The following EXOC2 variants were observed in gnomAD, a reference collection of about 807,000 sequenced individuals.
EXOC2 encodes the protein exocyst complex component 2.
Under a neutral mutation model 131.8 loss-of-function variants are expected in EXOC2, and 70 were observed. That is an observed-to-expected ratio of 0.53 (90% CI 0.44 to 0.65). The LOEUF (loss-of-function observed/expected upper bound fraction) is 0.65, where lower values mean the gene tolerates loss of function less well. Ranked by LOEUF, EXOC2 falls within the 30% of genes least tolerant of loss-of-function variation. The pLI is 0.00. For missense variants in EXOC2, 923 were observed against 1,108.6 expected (o/e 0.83, Z 2.38); for synonymous variants, 411 against 398.4 (o/e 1.03, Z -0.38).
chr6:540,241 C>T (rs570706139), intron 22 of EXOC2, among the ~76,000 whole-genome samples: 2 of 152,300 alleles, frequency 1.3e-5, no homozygotes, highest in Non-Finnish European at 2.9e-5. Context: ...AGGCAGGAGC[C>T]ACCACACCCA....
At chr6:595,871 T>G (rs1277840428) in intron 10 of EXOC2, among the ~76,000 whole-genome samples, 1 of 152,126 alleles carries the variant, frequency 6.6e-6, no homozygotes, top group Non-Finnish European at 1.5e-5. Flanking sequence ...AGCAGTTGGA[T>G]GACAAATGTG....
At chr6:665,367 C>T (rs1280886584) in intron 1 of EXOC2, among the ~76,000 whole-genome samples, 1 of 152,174 alleles carries the variant, frequency 6.6e-6, no homozygotes, top group Non-Finnish European at 1.5e-5. Flanking sequence ...CTATGGAAAA[C>T]AGTGTGGAGA....
In EXOC2 at chr6:598,048, G is replaced by C. The variant is rs779126321; in HGVS notation, c.1046C>G (p.Thr349Ser). 1 of 1,613,758 alleles carries C rather than the reference G, an allele frequency of 6.2e-7. No homozygotes were observed. Residue 349 changes from threonine (T) to serine (S), a missense_variant, in exon 10 of 28, where the codon ACT becomes AGT. Physicochemically the swap from Thr to Ser is moderately conservative, Grantham distance 58 (BLOSUM62 1). Transcript: ENST00000230449. ...TATGTAACGTTTTTGGTCATGTAAA[G>C]TTGATGGTGTCTCAAGCAATTTATC... Reference protein sequence around the residue: ...LLDKLLETPSTLHDQKRYIRY... With the variant: ...LLDKLLETPSSLHDQKRYIRY...
At chr6:604,025 G>A (rs982210709) in intron 7 of EXOC2, among the ~76,000 whole-genome samples, 2 of 152,162 alleles carry the variant, frequency 1.3e-5, no homozygotes, top group African/African-American at 2.4e-5. Flanking sequence ...TGGTTATGTC[G>A]CTGTAAGACA....
intron 7 of EXOC2, among the ~76,000 whole-genome samples, chr6:604,239 T>C (rs1760270457): frequency 6.6e-6 from 1 of 152,108 alleles, no homozygotes; most frequent in African/African-American, 2.4e-5. Flanking sequence ...CCTTCATCCA[T>C]CTGAGGCCAG....
chr6:498,524 G>A (rs1341782416), intron 24 of EXOC2, among the ~76,000 whole-genome samples: 1 of 152,116 alleles, frequency 6.6e-6, no homozygotes, highest in African/African-American at 2.4e-5. Flanking sequence ...GTGACTTCCT[G>A]CCTGAGTTAA....
At chr6:499,509 G>T in intron 24 of EXOC2, 136 bp downstream of exon 24, 3 of 638,446 alleles carry the variant, frequency 4.7e-6, no homozygotes, top group Non-Finnish European at 8.1e-6. Context: ...AGCAAGAGCT[G>T]AACTGTATCT....
At chr6:668,939 T>C (rs1222200080) in intron 1 of EXOC2, 1 of 152,246 alleles carries the variant, frequency 6.6e-6, no homozygotes, top group Non-Finnish European at 1.5e-5. Context: ...GTTGAATCTG[T>C]CCATGCAGAA....
chr6:592,333 C>A (rs977594005), intron 11 of EXOC2, 136 bp downstream of exon 11: 6 of 741,656 alleles, frequency 8.1e-6, no homozygotes, highest in East Asian at 5.3e-5. Flanking sequence ...GCCAAAAAAA[C>A]CACAAAACAA....
intron 1 of EXOC2, among the ~76,000 whole-genome samples, chr6:647,866 T>C (rs1201241002): frequency 6.6e-6 from 1 of 151,934 alleles, no homozygotes; most frequent in Non-Finnish European, 1.5e-5. Flanking sequence ...AAAGGTAATG[T>C]CTGGGCCACC....
intron 11 of EXOC2, among the ~76,000 whole-genome samples, chr6:589,217 C>T (rs1759387571): frequency 1.3e-5 from 2 of 151,846 alleles, no homozygotes; most frequent in Admixed American, 6.6e-5. Flanking sequence ...GTCGAGCACC[C>T]GCACGGTGTC....
chr6:629,861 A>G lies in EXOC2; in HGVS notation c.396T>C (p.Ala132=), dbSNP rs1159956152. The change falls in exon 4 of 28, where the codon GCT becomes GCC. Residue 132 remains alanine, a synonymous_variant. Coordinates refer to ENST00000230449, the MANE Select transcript of EXOC2 (RefSeq NM_018303.6). ...TTTCAATCTCAATGCCAAGCGGGTT[A>G]GCAGGACGTAAGGACAAGGGCGGAA... ...KGIPPLSLRP[A]NPLGIEIEKS... 1 of 1,614,084 alleles carries G rather than the reference A, an allele frequency of 6.2e-7. No homozygotes were observed. The highest frequency in any genetic ancestry group is 1.7e-5 in the Admixed American group (1 of 60,014).
intron 13 of EXOC2, among the ~76,000 whole-genome samples, chr6:571,826 A>C (rs1026234254): frequency 6.6e-6 from 1 of 152,142 alleles, no homozygotes; most frequent in Non-Finnish European, 1.5e-5. Flanking sequence ...CCTAGGACAA[A>C]GGGCGTTAGA....
intron 13 of EXOC2, 42 bp from the exon 14 acceptor site, chr6:564,971 T>C: frequency 6.7e-7 from 1 of 1,494,106 alleles, no homozygotes; most frequent in Non-Finnish European, 9.0e-7. Context: ...TTAGAAATAA[T>C]TTAAAAATAA....
chr6:604,787 C>T (rs534102847), intron 7 of EXOC2, among the ~76,000 whole-genome samples: 7 of 150,870 alleles, frequency 4.6e-5, no homozygotes, highest in Non-Finnish European at 7.4e-5. Context: ...TGAACTCACG[C>T]GCTGGCCCCG....
At chr6:654,410 GA>G (rs1762963517) in intron 1 of EXOC2, among the ~76,000 whole-genome samples, 1 of 152,162 alleles carries the variant, frequency 6.6e-6, no homozygotes, top group South Asian at 2.1e-4. Context: ...GAATAAAAAA[GA>G]AGTTGATTCC....
intron 2 of EXOC2, among the ~76,000 whole-genome samples, chr6:635,021 T>C (rs1188635018): frequency 1.3e-5 from 2 of 152,208 alleles, no homozygotes; most frequent in Non-Finnish European, 2.9e-5. Flanking sequence ...TGACAGTAGG[T>C]ATTTTGGTAT....
chr6:628,600 T>C (rs762935747), intron 4 of EXOC2, among the ~76,000 whole-genome samples: 4 of 152,198 alleles, frequency 2.6e-5, no homozygotes, highest in Non-Finnish European at 5.9e-5. Context: ...TAAATATATT[T>C]TGTATATCTC....
At chr6:598,969 CTG>C in intron 8 of EXOC2, 28 bp from the exon 9 acceptor site, 1 of 1,580,186 alleles carries the variant, frequency 6.3e-7, no homozygotes, top group Non-Finnish European at 8.6e-7. Context: ...ATTTTGAAAA[CTG>C]TCAGTAATGC....
Sources: allele counts gnomAD v4.1 joint callset (sites outside exome capture counted in the v4.1 genomes callset), GRCh38; gene constraint gnomAD v4.1.1; transcripts MANE v1.5; gene names NCBI Gene and HGNC (gene_info 2026-07-23, HGNC 2026-07-21).